The following GALNT9 variants were observed in gnomAD, a reference collection of about 807,000 sequenced individuals.
GALNT9 encodes GalNAc transferase 9.
A neutral mutation model predicts 63.1 loss-of-function variants in GALNT9; 47 were observed. The observed-to-expected ratio is 0.75, with a 90% confidence interval of 0.59 to 0.95. The LOEUF (loss-of-function observed/expected upper bound fraction) is 0.95, where lower values mean the gene tolerates loss of function less well. Ranked by LOEUF, GALNT9 falls within the 40% of genes least tolerant of loss-of-function variation. GALNT9 has a pLI of 0.00. For missense variants in GALNT9, 829 were observed against 874.8 expected (o/e 0.95, Z 0.66); for synonymous variants, 396 against 365.7 (o/e 1.08, Z -0.94).
At position 132,315,325 on chromosome 12, in the gene GALNT9, A is replaced by G. The variant is rs1555245627; in HGVS notation, c.238+13641T>C. ...AATCAGGGCGGCCTCCCCCGTGTCCACTGCAAAGTGCTGGAGCCTCAGAAT... is the reference window on the plus strand; with the variant it reads ...AATCAGGGCGGCCTCCCCCGTGTCCGCTGCAAAGTGCTGGAGCCTCAGAAT... On this transcript the variant is annotated intron_variant, in intron 1 of 10. Coordinates refer to ENST00000328957, the MANE Select transcript of GALNT9 (RefSeq NM_001122636.2). This position sits in a 1 kb window ranked among gnomAD's most constrained non-coding sequence, Gnocchi z 6.1. 6.7e-6 allele frequency among the ~76,000 whole-genome samples: 1 copy of G among 149,290 alleles called. No individual in the cohort carries two copies. The highest frequency in any genetic ancestry group is 2.0e-4 in the East Asian group (1 of 5,104).
At chr12:132,219,158 C>T (rs1877335606) in intron 6 of GALNT9, among the ~76,000 whole-genome samples, 1 of 152,146 alleles carries the variant, frequency 6.6e-6, no homozygotes, top group South Asian at 2.1e-4. Context: ...GGCAGAACGA[C>T]ACCTGGTGGC....
intron 6 of GALNT9, among the ~76,000 whole-genome samples, chr12:132,204,554 T>G (rs1023041336): frequency 2.0e-5 from 3 of 152,154 alleles, no homozygotes; most frequent in African/African-American, 7.2e-5. Flanking sequence ...CCTTCAGGCT[T>G]GGAGCTCACG....
intron 2 of GALNT9, chr12:132,278,766 C>G (rs1880213548): frequency 6.6e-6 from 1 of 152,312 alleles, no homozygotes; most frequent in East Asian, 1.9e-4. Flanking sequence ...GCAGGGACCC[C>G]TCCTCGTGCC....
intron 1 of GALNT9, among the ~76,000 whole-genome samples, chr12:132,288,937 G>C (rs1358295641): frequency 2.0e-5 from 3 of 152,194 alleles, no homozygotes; most frequent in African/African-American, 7.2e-5. Context: ...GGGTGGCTGA[G>C]CATGGTTCCA....
At chr12:132,201,031 T>C (rs1593461208) in intron 8 of GALNT9, 93 bp downstream of exon 8, 1 of 1,236,894 alleles carries the variant, frequency 8.1e-7, no homozygotes, top group South Asian at 1.5e-5. Context: ...CGTGTGCATG[T>C]GGATGTGCCT....
intron 6 of GALNT9, among the ~76,000 whole-genome samples, chr12:132,203,908 G>A (rs1030726685): frequency 3.9e-5 from 6 of 152,040 alleles, no homozygotes; most frequent in African/African-American, 1.2e-4. Context: ...CGTCCTCTCT[G>A]GGACTTCTTT....
chr12:132,268,076 G>C (rs1462511330), intron 2 of GALNT9, among the ~76,000 whole-genome samples: 2 of 137,194 alleles, frequency 1.5e-5, no homozygotes, highest in African/African-American at 5.6e-5. Flanking sequence ...CACTCACGCA[G>C]TCACATGCAC....
At position 132,286,163 on chromosome 12, in the gene GALNT9, G is replaced by A. The variant is rs534982302; in HGVS notation, c.419+87C>T. The A allele has an allele frequency of 7.2e-4, 1,004 of 1,391,060 alleles. 1 individual carries two copies. Among genetic ancestry groups the A allele is most frequent in the Non-Finnish European group, 8.8e-4 (928 of 1,054,818 alleles). The allele number at this position is 1,391,060 out of a possible 1,614,324, so 86.2% of individuals were successfully genotyped here. A position where few individuals can be genotyped will look rare whatever the true frequency, so the allele number is the denominator to read the frequency against. On this transcript the variant is annotated intron_variant, in intron 2 of 10. Transcript: ENST00000328957. The surrounding 1 kb of genome is among the most constrained non-coding windows in gnomAD (Gnocchi z 7.4). The stretch of plus-strand genomic sequence containing the variant: ...GGGGCCGCTCACTTCCCCGGCCGGC[G>A]TGGGGGGCAGTCACTTCCCTGGCCA...
In GALNT9 at chr12:132,265,276, G is replaced by T. The variant is rs1481502754; in HGVS notation, c.420-2651C>A. Among the ~76,000 whole-genome samples, 3 of 152,300 alleles carry T rather than the reference G, an allele frequency of 2.0e-5. No individual in the cohort carries two copies. The highest frequency in any genetic ancestry group is 1.3e-4 in the Admixed American group (2 of 15,306). On this transcript the variant is annotated intron_variant, in intron 2 of 10. Coordinates refer to ENST00000328957, the MANE Select transcript of GALNT9 (RefSeq NM_001122636.2). The surrounding 1 kb of genome is among the most constrained non-coding windows in gnomAD (Gnocchi z 5.3). The stretch of plus-strand genomic sequence containing the variant: ...GGGGATGAGGGAGAGGCCACGGGGA[G>T]AAAATGACGGCTGGACCGGTCCTCC...
intron 6 of GALNT9, among the ~76,000 whole-genome samples, chr12:132,204,911 C>T (rs1053088977): frequency 4.6e-5 from 7 of 152,076 alleles, no homozygotes; most frequent in African/African-American, 1.2e-4. Context: ...AGGCCCAGGG[C>T]GGGCACTGTG....
At chr12:132,199,373 C>T (rs915498487) in intron 8 of GALNT9, 104 bp from the exon 9 acceptor site, 14 of 801,496 alleles carry the variant, frequency 1.7e-5, no homozygotes, top group East Asian at 1.0e-4. Context: ...GAGGTGCCCG[C>T]GGGAGGAGGA....
chr12:132,203,681 A>G lies in GALNT9; in HGVS notation c.1087T>C (p.Cys363Arg). The change falls in exon 7 of 11, where the codon TGT becomes CGT. Residue 363 changes from cysteine to arginine, a missense_variant. By Grantham distance (180) the Cys-to-Arg change is radical. Transcript: ENST00000328957. ...NVELGMRVWQ[C>R]GGSMEVLPCS... The stretch of plus-strand genomic sequence containing the variant: ...GGCAGCACCTCCATGCTGCCGCCAC[A>G]CTGCCACACCTGCGGGGAGACGGCG... 1.9e-6 allele frequency: 3 copies of G among 1,612,388 alleles called. No homozygotes were observed. The highest frequency in any genetic ancestry group is 2.5e-6 in the Non-Finnish European group (3 of 1,179,538).
At position 132,315,579 on chromosome 12, in the gene GALNT9, C is replaced by T. The variant is rs538967829; in HGVS notation, c.238+13387G>A. On this transcript the variant is annotated intron_variant, in intron 1 of 10. Transcript: ENST00000328957. The surrounding 1 kb of genome is among the most constrained non-coding windows in gnomAD (Gnocchi z 6.1). ...ACTATTCTGTGGAAAGTAAAAATAG[C>T]CCCTTTCTGCCGTGGGATGTGGGCG... Among the ~76,000 whole-genome samples the T allele has an allele frequency of 5.4e-4, 83 of 152,294 alleles. 1 individual carries two copies. The highest frequency in any genetic ancestry group is 1.8e-3 in the African/African-American group (76 of 41,558).
chr12:132,274,164 C>A (rs1467543557), intron 2 of GALNT9: 2 of 152,684 alleles, frequency 1.3e-5, no homozygotes, highest in Non-Finnish European at 1.5e-5. Context: ...CCAGCCCATG[C>A]AATTCCAGGC....
At chr12:132,317,174 A>AC in intron 1 of GALNT9, among the ~76,000 whole-genome samples, 1 of 133,182 alleles carries the variant, frequency 7.5e-6, no homozygotes, top group Non-Finnish European at 1.5e-5. Context: ...CCCATCCTAC[A>AC]CCCCACAGAG....
intron 6 of GALNT9, among the ~76,000 whole-genome samples, chr12:132,212,027 C>T (rs905748807): frequency 4.6e-5 from 7 of 152,192 alleles, no homozygotes; most frequent in South Asian, 4.1e-4. Flanking sequence ...CGCATGGCAG[C>T]GGACGTGCAC....
rs897054233 is a variant in GALNT9 at position 132,286,028 on chromosome 12, G to A, written c.419+222C>T. ...CGTTTCTCCCAGGAGCCCGCAGCTC[G>A]TGGGGGCAGTCCCCGGCCAGCACGG... is the stretch of plus-strand genomic sequence containing the variant. On this transcript the variant is annotated intron_variant, in intron 2 of 10. Transcript: ENST00000328957. The surrounding 1 kb of genome is among the most constrained non-coding windows in gnomAD (Gnocchi z 7.4). Among the ~76,000 whole-genome samples, 3 of 152,120 alleles carry A rather than the reference G, an allele frequency of 2.0e-5. No homozygotes were observed. Among genetic ancestry groups the A allele is most frequent in the Non-Finnish European group, 2.9e-5 (2 of 68,006 alleles).
chr12:132,200,798 G>T (rs559276409), intron 8 of GALNT9: 2 of 349,450 alleles, frequency 5.7e-6, no homozygotes, highest in Non-Finnish European at 1.1e-5. Context: ...ATGTGAACAC[G>T]CATGGATGTG....
At chr12:132,217,714 A>G (rs971527854) in intron 6 of GALNT9, among the ~76,000 whole-genome samples, 1 of 137,004 alleles carries the variant, frequency 7.3e-6, no homozygotes, top group African/African-American at 2.8e-5. Context: ...CTATCTATCC[A>G]TTCATCCACA....
Sources: gnomAD v4.1 joint callset for allele counts (sites outside exome capture counted in the v4.1 genomes callset) on GRCh38, gnomAD v4.1.1 for gene constraint, Gnocchi (gnomAD v3.1) non-coding constraint, MANE v1.5 for transcripts, NCBI Gene and HGNC (gene_info 2026-07-23, HGNC 2026-07-21) for gene names.